ANKIB1: variants seen among roughly 807,000 people sequenced by gnomAD.
The protein encoded by ANKIB1 is ankyrin repeat and IBR domain containing 1.
In ANKIB1, 43 loss-of-function variants were observed where a neutral mutation model predicts 122.1. The ratio of observed to expected loss-of-function variants is 0.35; its 90% confidence interval spans 0.28 to 0.45. The LOEUF (loss-of-function observed/expected upper bound fraction) is 0.45. ANKIB1 is among the 20% of genes least tolerant of loss of function. ANKIB1 has a pLI of 1.00. For missense variants in ANKIB1, 992 were observed against 1,329.5 expected (o/e 0.75, Z 3.95); for synonymous variants, 390 against 442.0 (o/e 0.88, Z 1.48).
At chr7:92,309,962 T>TATATATATATATATATAA (rs1030276754) in intron 3 of ANKIB1, among the ~76,000 whole-genome samples, 2 of 139,430 alleles carry the variant, frequency 1.4e-5, no homozygotes, top group African/African-American at 5.3e-5. Flanking sequence ...TATATATATA[T>TATATATATATATATATAA]AAATTAAATG....
chr7:92,391,051 A>T, intron 15 of ANKIB1, 115 bp from the exon 16 acceptor site: 1 of 768,968 alleles, frequency 1.3e-6, no homozygotes, highest in Non-Finnish European at 1.9e-6. Context: ...CAAAATTTTA[A>T]CTAGTTTCTT....
At chr7:92,292,519 G>A (rs1057387165) in intron 1 of ANKIB1, among the ~76,000 whole-genome samples, 1 of 151,876 alleles carries the variant, frequency 6.6e-6, no homozygotes, top group Non-Finnish European at 1.5e-5. Flanking sequence ...CAGAAAATGT[G>A]CTATTTATTA....
intron 5 of ANKIB1, among the ~76,000 whole-genome samples, chr7:92,338,253 A>G (rs28571910): frequency 1.3e-5 from 2 of 150,522 alleles, no homozygotes; most frequent in African/African-American, 2.4e-5. Context: ...CTACAAAAAA[A>G]TTAAAAAAAA....
At chr7:92,296,865 G>T (rs957890544) in intron 2 of ANKIB1, among the ~76,000 whole-genome samples, 1 of 151,920 alleles carries the variant, frequency 6.6e-6, no homozygotes, top group African/African-American at 2.4e-5. Context: ...ACTTAATTAG[G>T]TTTATCTTGA....
At chr7:92,283,055 C>T (rs1167177915) in intron 1 of ANKIB1, among the ~76,000 whole-genome samples, 1 of 152,130 alleles carries the variant, frequency 6.6e-6, no homozygotes, top group Non-Finnish European at 1.5e-5. Context: ...TCATTTTTTA[C>T]ACTGTGAAAG....
In ANKIB1 at chr7:92,398,364, G is replaced by GCTGGACT; in HGVS notation, c.2689_2695dup (p.Val899GlyfsTer9). ...CGATAGGCACTTCTTTACCTTCCAG[G>GCTGGACT]CTGGACTCTGTCCCCAGAAATACAG... On this transcript the variant is annotated frameshift_variant, in exon 20 of 20. Transcript: ENST00000265742. LOFTEE classifies it high-confidence loss of function. 1 of 1,613,158 alleles carries GCTGGACT rather than the reference G, an allele frequency of 6.2e-7. No individual in the cohort carries two copies. The highest frequency in any genetic ancestry group is 8.5e-7 in the Non-Finnish European group (1 of 1,179,540).
intron 5 of ANKIB1, among the ~76,000 whole-genome samples, chr7:92,342,554 G>A (rs1389436075): frequency 6.6e-6 from 1 of 152,084 alleles, no homozygotes; most frequent in Non-Finnish European, 1.5e-5. Flanking sequence ...CTGCTTTCAA[G>A]CTGTTTATTA....
chr7:92,316,947 A>G (rs1802807062), intron 3 of ANKIB1, among the ~76,000 whole-genome samples: 1 of 152,178 alleles, frequency 6.6e-6, no homozygotes, highest in East Asian at 1.9e-4. Flanking sequence ...AGTAAACCAA[A>G]TCCTGATTTT....
At chr7:92,307,806 C>CTA in intron 3 of ANKIB1, 150 bp downstream of exon 3, 2 of 346,196 alleles carry the variant, frequency 5.8e-6, no homozygotes, top group Non-Finnish European at 9.3e-6. Context: ...AATAAAGGGC[C>CTA]TCTTTTTTTT....
At chr7:92,339,560 G>A (rs903008632) in intron 5 of ANKIB1, among the ~76,000 whole-genome samples, 3 of 151,946 alleles carry the variant, frequency 2.0e-5, no homozygotes, top group South Asian at 2.1e-4. Context: ...TCATTTGTTC[G>A]TTCAACAGAT....
At chr7:92,322,814 T>C (rs1185275069) in intron 4 of ANKIB1, among the ~76,000 whole-genome samples, 1 of 152,206 alleles carries the variant, frequency 6.6e-6, no homozygotes, top group African/African-American at 2.4e-5. Context: ...ATATCTTCTT[T>C]ATCCAATTGT....
chr7:92,301,579 T>G (rs555319042), intron 2 of ANKIB1, among the ~76,000 whole-genome samples: 15 of 152,242 alleles, frequency 9.9e-5, no homozygotes, highest in Non-Finnish European at 2.1e-4. Context: ...TTTATATAGT[T>G]TTTATTCTAT....
intron 17 of ANKIB1, among the ~76,000 whole-genome samples, chr7:92,393,852 C>T (rs1024176197): frequency 1.3e-5 from 2 of 152,096 alleles, no homozygotes; most frequent in African/African-American, 2.4e-5. Flanking sequence ...GTATGACTAT[C>T]GAGTAACTGC....
At chr7:92,380,183 G>C (rs185684177) in intron 11 of ANKIB1, among the ~76,000 whole-genome samples, 2 of 152,322 alleles carry the variant, frequency 1.3e-5, no homozygotes, top group Admixed American at 1.3e-4. Context: ...AGCCATGCTG[G>C]GGGAGGGGCA....
chr7:92,264,043 A>G (rs1241083083), intron 1 of ANKIB1, among the ~76,000 whole-genome samples: 4 of 152,150 alleles, frequency 2.6e-5, no homozygotes, highest in East Asian at 1.9e-4. Context: ...TGTTATATCT[A>G]TTGCACAGTG....
At position 92,281,433 on chromosome 7, in the gene ANKIB1, T is replaced by G. The variant is rs149911695; in HGVS notation, c.-90-13456T>G. ...CCAGACACCAGCCATGGATCAACCT[T>G]GCAAGAGGCTTTTCTAAGGATAGCC... On this transcript the variant is annotated intron_variant, in intron 1 of 19. Transcript: ENST00000265742. Among the ~76,000 whole-genome samples the G allele has an allele frequency of 2.4e-4, 36 of 152,332 alleles. 1 individual carries two copies. Among genetic ancestry groups the G allele is most frequent in the African/African-American group, 8.2e-4 (34 of 41,574 alleles).
At chr7:92,263,690 G>A (rs1801609047) in intron 1 of ANKIB1, among the ~76,000 whole-genome samples, 1 of 152,150 alleles carries the variant, frequency 6.6e-6, no homozygotes, top group Admixed American at 6.5e-5. Flanking sequence ...ACCGAAGTAT[G>A]ATAGATTGGG....
chr7:92,371,245 G>T lies in ANKIB1; in HGVS notation c.1487-232G>T, dbSNP rs1233858883. Among the ~76,000 whole-genome samples, 32 of 151,708 alleles carry T rather than the reference G, an allele frequency of 2.1e-4. 1 individual carries two copies. Among genetic ancestry groups the T allele is most frequent in the Admixed American group, 2.1e-3 (32 of 15,228 alleles). ...GTTTATTTGGGCACAAGTTTATGGA[G>T]AAATCGCCCTTAAACCAGGTTTCAC... On this transcript the variant is annotated intron_variant, in intron 10 of 19. Coordinates refer to ENST00000265742, the MANE Select transcript of ANKIB1 (RefSeq NM_019004.2).
intron 1 of ANKIB1, among the ~76,000 whole-genome samples, chr7:92,278,302 T>C (rs1475625472): frequency 6.6e-6 from 1 of 151,932 alleles, no homozygotes; most frequent in African/African-American, 2.4e-5. Context: ...AAAAAGAAAA[T>C]GCAGAAGCTG....
Sources: allele counts gnomAD v4.1 joint callset (sites outside exome capture counted in the v4.1 genomes callset), GRCh38; gene constraint gnomAD v4.1.1; transcripts MANE v1.5; gene names NCBI Gene and HGNC (gene_info 2026-07-23, HGNC 2026-07-21).